Variants in TUSC3 observed in about 807,000 individuals in gnomAD.
TUSC3 encodes the protein dolichyl-diphosphooligosaccharide--protein glycosyltransferase subunit TUSC3.
A neutral mutation model predicts 44.8 loss-of-function variants in TUSC3; 45 were observed. That is an observed-to-expected ratio of 1.00 (90% CI 0.79 to 1.29). The LOEUF is 1.29. TUSC3 is among the 50% of genes most tolerant of loss of function. The probability of loss-of-function intolerance (pLI) is 0.00; values close to 1 mark genes in which losing one functional copy is unlikely to be tolerated. For synonymous variants in TUSC3, 212 were observed against 152.9 expected, an observed-to-expected ratio of 1.39 and a Z score of -2.85; for missense variants, 519 against 437.9, an observed-to-expected ratio of 1.19 and a Z score of -1.65.
At chr8:15,737,797 C>T (rs192992091) in intron 7 of TUSC3, among the ~76,000 whole-genome samples, 1 of 152,222 alleles carries the variant, frequency 6.6e-6, no homozygotes, top group East Asian at 1.9e-4. Flanking sequence ...GCCTTCCACT[C>T]AGTGAAAGAA....
chr8:15,532,582 A>G (rs1801464145), intron 2 of TUSC3, among the ~76,000 whole-genome samples: 2 of 152,140 alleles, frequency 1.3e-5, no homozygotes, highest in South Asian at 4.1e-4. Context: ...TGGGCAGATA[A>G]GAGACAAAAG....
At chr8:15,710,595 T>C (rs1010591074) in intron 6 of TUSC3, among the ~76,000 whole-genome samples, 1 of 151,822 alleles carries the variant, frequency 6.6e-6, no homozygotes, top group African/African-American at 2.4e-5. Context: ...TTTCCAGTTA[T>C]GTTCCAGAGG....
intron 2 of TUSC3, among the ~76,000 whole-genome samples, chr8:15,485,415 A>G (rs1432747882): frequency 6.6e-6 from 1 of 150,430 alleles, no homozygotes; most frequent in Non-Finnish European, 1.5e-5. Flanking sequence ...GTTTTGTAAA[A>G]TATAACATGG....
intron 1 of TUSC3, among the ~76,000 whole-genome samples, chr8:15,584,211 C>T (rs928962623): frequency 1.3e-5 from 2 of 152,060 alleles, no homozygotes; most frequent in African/African-American, 4.8e-5. Context: ...ATTAGAGAAC[C>T]AATGTGTTGG....
chr8:15,745,159 A>G (rs139018065), intron 8 of TUSC3, among the ~76,000 whole-genome samples: 1 of 152,120 alleles, frequency 6.6e-6, no homozygotes, highest in African/African-American at 2.4e-5. Flanking sequence ...TGGTGCATAC[A>G]TACCACATTT....
At chr8:15,838,494 G>T in the TUSC3 span, among the ~76,000 whole-genome samples, 1 of 151,996 alleles carries the variant, frequency 6.6e-6, no homozygotes, top group Non-Finnish European at 1.5e-5. Flanking sequence ...AAGTCTCCAC[G>T]TTCAAATCCA....
chr8:15,590,636 T>TTTTA (rs898600543), intron 1 of TUSC3, among the ~76,000 whole-genome samples: 8 of 151,632 alleles, frequency 5.3e-5, no homozygotes, highest in African/African-American at 1.5e-4. Flanking sequence ...AAATATTTAT[T>TTTTA]TTTATTTATT....
chr8:15,698,956 C>G (rs569479142), intron 6 of TUSC3, among the ~76,000 whole-genome samples: 1 of 152,006 alleles, frequency 6.6e-6, no homozygotes, highest in East Asian at 1.9e-4. Flanking sequence ...AAGCCATCCT[C>G]CCACCTCAGC....
At chr8:15,573,909 G>C (rs1802989388) in intron 1 of TUSC3, among the ~76,000 whole-genome samples, 1 of 151,960 alleles carries the variant, frequency 6.6e-6, no homozygotes, top group Admixed American at 6.6e-5. Flanking sequence ...GTGATAGGAG[G>C]GGGAGAGAAT....
At position 15,534,393 on chromosome 8, in the gene TUSC3, C is replaced by T. The variant is rs140393186; in HGVS notation, n.189+50910C>T. On this transcript the variant is annotated intron_variant and non_coding_transcript_variant, in intron 2 of 5. Transcript: ENST00000503191. ...GCGCGGTGACGCACACCTGTAATCC[C>T]AGCACTTTGGGAGGCCGAGGCGGGC... Among the ~76,000 whole-genome samples, 962 of 152,124 alleles carry T rather than the reference C, an allele frequency of 6.3e-3. 9 individuals are homozygous for T. Among genetic ancestry groups the T allele is most frequent in the African/African-American group, 0.022 (921 of 41,488 alleles).
intron 10 of TUSC3, among the ~76,000 whole-genome samples, chr8:15,759,238 G>C (rs762412811): frequency 1.7e-4 from 26 of 152,140 alleles, no homozygotes; most frequent in Middle Eastern, 3.4e-3. Flanking sequence ...AATGAAATCT[G>C]AGCAGCTGCC....
At chr8:15,418,927 G>A (rs1220228572) in intron 1 of TUSC3, among the ~76,000 whole-genome samples, 2 of 152,132 alleles carry the variant, frequency 1.3e-5, no homozygotes, top group African/African-American at 4.8e-5. Flanking sequence ...GATCACATGA[G>A]CCCTGGAGGT....
At chr8:15,418,332 T>C (rs1464207188) in intron 1 of TUSC3, among the ~76,000 whole-genome samples, 1 of 152,182 alleles carries the variant, frequency 6.6e-6, no homozygotes, top group East Asian at 1.9e-4. Context: ...AAATATATGT[T>C]TTCCCAACAT....
At chr8:15,851,394 C>G in the TUSC3 span, among the ~76,000 whole-genome samples, 1 of 152,044 alleles carries the variant, frequency 6.6e-6, no homozygotes, top group African/African-American at 2.4e-5. Flanking sequence ...TATAACGATG[C>G]GATGATAACA....
chr8:15,421,166 T>C (rs1799733565), intron 1 of TUSC3, among the ~76,000 whole-genome samples: 1 of 118,394 alleles, frequency 8.4e-6, no homozygotes, highest in Non-Finnish European at 1.8e-5. Context: ...TTCCTTATAG[T>C]TAACTTCCTT....
chr8:15,492,689 C>T (rs1361844362), intron 2 of TUSC3, among the ~76,000 whole-genome samples: 1 of 151,820 alleles, frequency 6.6e-6, no homozygotes, highest in Non-Finnish European at 1.5e-5. Flanking sequence ...GTAATCCCAG[C>T]TCTTAGGGAG....
At chr8:15,711,823 ATTACTCTATAG>A (rs1809864246) in intron 6 of TUSC3, among the ~76,000 whole-genome samples, 1 of 151,870 alleles carries the variant, frequency 6.6e-6, no homozygotes, top group South Asian at 2.1e-4. Flanking sequence ...GACAATTAGA[ATTACTCTATAG>A]TTTCAGAGTA....
chr8:15,617,166 G>T (rs1356490388), intron 1 of TUSC3, among the ~76,000 whole-genome samples: 1 of 29,352 alleles, frequency 3.4e-5, no homozygotes, highest in Non-Finnish European at 9.3e-5. Flanking sequence ...TTGAGACAGA[G>T]TCTTGCTCTG....
intron 2 of TUSC3, among the ~76,000 whole-genome samples, chr8:15,513,423 T>G (rs570209218): frequency 1.3e-5 from 2 of 152,198 alleles, no homozygotes; most frequent in Non-Finnish European, 2.9e-5. Context: ...AATTGAGAAC[T>G]GCAGACTGTA....
Sources: gnomAD v4.1 joint callset for allele counts (sites outside exome capture counted in the v4.1 genomes callset) on GRCh38, gnomAD v4.1.1 for gene constraint, MANE v1.5 for transcripts, NCBI Gene and HGNC (gene_info 2026-07-23, HGNC 2026-07-21) for gene names.